Variants in FAM24B observed in about 807,000 individuals in gnomAD.
The protein encoded by FAM24B is family with sequence similarity 24 member B.
A neutral mutation model predicts 2.3 loss-of-function variants in FAM24B; 3 were observed. The ratio of observed to expected loss-of-function variants is 1.29; its 90% CI spans 0.59 to 3.32. The LOEUF (loss-of-function observed/expected upper bound fraction) is 3.32, where lower values mean the gene tolerates loss of function less well. FAM24B is among the 30% of genes most tolerant of loss of function. The pLI is 0.03. For synonymous variants in FAM24B, 36 were observed against 46.3 expected (o/e 0.78, Z 0.90); for missense variants, 98 against 117.2 (o/e 0.84, Z 0.76).
intron 2 of FAM24B, chr10:122,855,344 C>T (rs1847620353): frequency 6.6e-6 from 1 of 152,162 alleles, no homozygotes; most frequent in Non-Finnish European, 1.5e-5. Flanking sequence ...AACTTTATGA[C>T]TGTAAAATCA....
intron 1 of FAM24B, among the ~76,000 whole-genome samples, chr10:122,864,656 C>A (rs567431954): frequency 1.3e-5 from 2 of 152,290 alleles, no homozygotes; most frequent in South Asian, 4.1e-4. Flanking sequence ...CACATATCCA[C>A]CATTATAGTA....
At chr10:122,869,963 A>C (rs1847864955) in intron 1 of FAM24B, among the ~76,000 whole-genome samples, 1 of 152,208 alleles carries the variant, frequency 6.6e-6, no homozygotes, top group Admixed American at 6.5e-5. Context: ...ATAGAGACAC[A>C]AAAAGCCCTT....
chr10:122,850,838 G>C (rs1173862427), intron 2 of FAM24B: 1 of 283,154 alleles, frequency 3.5e-6, no homozygotes, highest in East Asian at 7.6e-5. Context: ...CCTTTCACAG[G>C]TGTGATATGC....
chr10:122,867,657 C>T (rs1043686838), intron 1 of FAM24B, among the ~76,000 whole-genome samples: 18 of 152,200 alleles, frequency 1.2e-4, no homozygotes, highest in Admixed American at 7.2e-4. Context: ...CTGCAGCCAC[C>T]GCTGCTGATA....
chr10:122,850,373 T>TC lies in FAM24B; in HGVS notation c.92+50dup, dbSNP rs1336701411. 3 of 1,456,870 alleles carry TC rather than the reference T, an allele frequency of 2.1e-6. No homozygotes were observed. In the African/African-American group the frequency reaches 4.2e-5, roughly 20 times the overall value. 90.2% of individuals were successfully genotyped at this position (1,456,870 alleles called of 1,614,324 possible). On this transcript the variant is annotated intron_variant, in intron 3 of 3. Coordinates refer to ENST00000368898, the MANE Select transcript of FAM24B (RefSeq NM_152644.3). ...CCACTGAGGAAGTGCTATCCCCTTT[T>TC]CCCCATGTGACTCACTTTAGTACGT...
intron 1 of FAM24B, among the ~76,000 whole-genome samples, chr10:122,868,675 G>A (rs2133837571): frequency 6.6e-6 from 1 of 152,214 alleles, no homozygotes; most frequent in Admixed American, 6.5e-5. Flanking sequence ...TTCATATCCA[G>A]CCAAACTAAG....
At chr10:122,862,742 A>G (rs1432664656) in intron 1 of FAM24B, among the ~76,000 whole-genome samples, 3 of 152,126 alleles carry the variant, frequency 2.0e-5, no homozygotes, top group African/African-American at 7.2e-5. Context: ...TAATATAACA[A>G]TGTTCCTTCT....
intron 1 of FAM24B, among the ~76,000 whole-genome samples, chr10:122,865,453 C>T (rs1036924515): frequency 3.7e-4 from 57 of 152,284 alleles, no homozygotes; most frequent in African/African-American, 1.3e-3. Flanking sequence ...GAATACCTTA[C>T]ACACCTGGAG....
intron 1 of FAM24B, among the ~76,000 whole-genome samples, chr10:122,870,164 G>A (rs566835240): frequency 5.2e-4 from 79 of 152,224 alleles, no homozygotes; most frequent in Middle Eastern, 3.4e-3. Context: ...ACACCTCTAT[G>A]CAAATAAACT....
At chr10:122,870,102 A>G (rs1390701911) in intron 1 of FAM24B, among the ~76,000 whole-genome samples, 1 of 152,258 alleles carries the variant, frequency 6.6e-6, no homozygotes, top group South Asian at 2.1e-4. Flanking sequence ...GACAAACGGG[A>G]TATCACCACT....
chr10:122,863,167 T>C (rs1364164068), intron 1 of FAM24B, among the ~76,000 whole-genome samples: 13 of 152,188 alleles, frequency 8.5e-5, no homozygotes, highest in Non-Finnish European at 7.3e-5. Flanking sequence ...TGGAAAGAAT[T>C]CAGCTGCTCC....
At chr10:122,866,829 T>TA (rs1847811221) in intron 1 of FAM24B, among the ~76,000 whole-genome samples, 3 of 152,122 alleles carry the variant, frequency 2.0e-5, no homozygotes, top group Admixed American at 2.0e-4. Context: ...TAACAATTAA[T>TA]ACCCCTACAA....
At chr10:122,872,307 G>A (rs1847909275) in intron 1 of FAM24B, among the ~76,000 whole-genome samples, 1 of 152,190 alleles carries the variant, frequency 6.6e-6, no homozygotes, top group South Asian at 2.1e-4. Flanking sequence ...AGAGGATGTG[G>A]AGAAACAGGA....
chr10:122,858,635 T>C (rs574819091), intron 1 of FAM24B, among the ~76,000 whole-genome samples: 2 of 152,252 alleles, frequency 1.3e-5, no homozygotes, highest in South Asian at 2.1e-4. Flanking sequence ...TCACTCCTCC[T>C]GCATTCTTGA....
chr10:122,873,331 C>G (rs1847928374), intron 1 of FAM24B, among the ~76,000 whole-genome samples: 1 of 152,188 alleles, frequency 6.6e-6, no homozygotes, highest in South Asian at 2.1e-4. Context: ...AAGAATTATG[C>G]TAAATCTGCT....
chr10:122,865,419 C>T (rs1388205298), intron 1 of FAM24B, among the ~76,000 whole-genome samples: 1 of 152,098 alleles, frequency 6.6e-6, no homozygotes, highest in African/African-American at 2.4e-5. Flanking sequence ...AATTGGTTTT[C>T]AATATTCAAC....
chr10:122,866,611 T>A (rs1463312809), intron 1 of FAM24B, among the ~76,000 whole-genome samples: 1 of 152,114 alleles, frequency 6.6e-6, no homozygotes, highest in Admixed American at 6.5e-5. Context: ...ACTTTTGCTT[T>A]ATTATTATAT....
At chr10:122,868,504 A>G (rs1011871945) in intron 1 of FAM24B, among the ~76,000 whole-genome samples, 4 of 152,170 alleles carry the variant, frequency 2.6e-5, no homozygotes, top group African/African-American at 7.2e-5. Flanking sequence ...AGTTGAAATG[A>G]AGGAAAAAAT....
intron 3 of FAM24B, among the ~76,000 whole-genome samples, chr10:122,850,062 C>T (rs556208918): frequency 1.3e-5 from 2 of 152,148 alleles, no homozygotes; most frequent in African/African-American, 2.4e-5. Context: ...CAGCCTCCCC[C>T]ACAGAATCTG....
Sources: gnomAD v4.1 joint callset for allele counts (sites outside exome capture counted in the v4.1 genomes callset) on GRCh38, gnomAD v4.1.1 for gene constraint, MANE v1.5 for transcripts, NCBI Gene and HGNC (gene_info 2026-07-23, HGNC 2026-07-21) for gene names.